WDR27: variants seen among roughly 807,000 people sequenced by gnomAD.
The protein encoded by WDR27 is WD repeat-containing protein 27.
In WDR27, 100 loss-of-function variants were observed where a neutral mutation model predicts 114.4. The observed-to-expected ratio is 0.87, with a 90% CI of 0.74 to 1.03. WDR27 has a LOEUF of 1.03. WDR27 is among the 50% of genes least tolerant of loss of function. WDR27 has a pLI of 0.00. For missense variants in WDR27, 1,129 were observed against 1,092.9 expected (o/e 1.03, Z -0.47); for synonymous variants, 449 against 423.1 (o/e 1.06, Z -0.75).
At chr6:169,670,349 T>C in intron 4 of WDR27, 1 of 417,264 alleles carries the variant, frequency 2.4e-6, no homozygotes, top group Non-Finnish European at 4.1e-6. Flanking sequence ...CCAGATTCCA[T>C]AAAGAGTTTT....
At position 169,636,358 on chromosome 6, in the gene WDR27, G is replaced by A. The variant is rs748915751; in HGVS notation, c.2003+13C>T. On this transcript the variant is annotated intron_variant, in intron 19 of 25. Coordinates refer to ENST00000448612, the MANE Select transcript of WDR27 (RefSeq NM_182552.5). ...GTGATCTAAAAATAATGCACAGGGC[G>A]GGGGGTGCCTACCTCTTAATCTCAT... The A allele has an allele frequency of 1.2e-5, 19 of 1,611,194 alleles. No homozygotes were observed. The highest frequency in any genetic ancestry group is 8.4e-5 in the Admixed American group (5 of 59,670).
chr6:169,682,039 C>T (rs1000357481), intron 2 of WDR27, among the ~76,000 whole-genome samples: 2 of 152,134 alleles, frequency 1.3e-5, no homozygotes, highest in Non-Finnish European at 2.9e-5. Flanking sequence ...CAGAGACATG[C>T]AACCCTCTGA....
chr6:169,537,381 A>G (rs1215236798), intron 25 of WDR27, among the ~76,000 whole-genome samples: 1 of 152,178 alleles, frequency 6.6e-6, no homozygotes, highest in Non-Finnish European at 1.5e-5. Context: ...GTGGTCAGAG[A>G]AGGACTCTCT....
chr6:169,508,966 C>A (rs1164526889), intron 25 of WDR27, among the ~76,000 whole-genome samples: 1 of 152,064 alleles, frequency 6.6e-6, no homozygotes, highest in Non-Finnish European at 1.5e-5. Context: ...CAGGTTTTAT[C>A]GTTGTTGTTG....
chr6:169,510,127 A>G (rs1036646085), intron 25 of WDR27, among the ~76,000 whole-genome samples: 100 of 152,294 alleles, frequency 6.6e-4, no homozygotes, highest in Non-Finnish European at 1.3e-3. Flanking sequence ...AAAGTCAGGA[A>G]ACAACAGGTG....
chr6:169,650,052 CCCT>C (rs1821901842), intron 14 of WDR27, among the ~76,000 whole-genome samples: 1 of 149,394 alleles, frequency 6.7e-6, no homozygotes, highest in Non-Finnish European at 1.5e-5. Flanking sequence ...ATCTCCCCAT[CCCT>C]CCATCACCTC....
intron 25 of WDR27, among the ~76,000 whole-genome samples, chr6:169,555,959 AC>A (rs1365897840): frequency 6.6e-6 from 1 of 152,164 alleles, no homozygotes; most frequent in African/African-American, 2.4e-5. Context: ...CTTTCTCCCC[AC>A]CCAAAATCAG....
chr6:169,627,541 G>T (rs1165495339), intron 21 of WDR27, among the ~76,000 whole-genome samples: 4 of 152,184 alleles, frequency 2.6e-5, no homozygotes, highest in Non-Finnish European at 5.9e-5. Context: ...GATCGTCTAC[G>T]TACTGGAGCG....
At chr6:169,627,540 C>T (rs1429275673) in intron 21 of WDR27, among the ~76,000 whole-genome samples, 3 of 152,130 alleles carry the variant, frequency 2.0e-5, no homozygotes, top group Admixed American at 6.5e-5. Context: ...AGATCGTCTA[C>T]GTACTGGAGC....
At chr6:169,535,758 G>A (rs1796128564) in intron 25 of WDR27, among the ~76,000 whole-genome samples, 1 of 152,152 alleles carries the variant, frequency 6.6e-6, no homozygotes, top group Non-Finnish European at 1.5e-5. Context: ...AGTCAGACAA[G>A]AGCAACAAAG....
chr6:169,688,775 G>A (rs1335302247), intron 2 of WDR27, 42 bp downstream of exon 2: 2 of 1,504,406 alleles, frequency 1.3e-6, no homozygotes, highest in East Asian at 2.4e-5. Context: ...GAGAGACAAG[G>A]GCAAGGCCTT....
intron 24 of WDR27, among the ~76,000 whole-genome samples, chr6:169,580,019 G>A (rs9396978): frequency 0.1 from 15,952 of 152,114 alleles, 1,876 homozygotes; most frequent in East Asian, 0.58. Context: ...TGCTCTCACC[G>A]TTTCACTCCC....
In WDR27 at chr6:169,701,619, G is replaced by A. The variant is rs1788088597; in HGVS notation, c.-76C>T. The A allele has an allele frequency of 6.1e-6, 1 of 163,902 alleles. No homozygotes were observed. Among genetic ancestry groups the A allele is most frequent in the Non-Finnish European group, 1.3e-5 (1 of 75,012 alleles). 10.2% of individuals were successfully genotyped at this position (163,902 alleles called of 1,614,324 possible). A position where few individuals can be genotyped will look rare whatever the true frequency, so the allele number is the denominator to read the frequency against. ...AGCGCCGATCTCAAGCGGCCGCCCG[G>A]ATGCTCCGGCCCGACTTGTGCCCCG... On this transcript the variant is annotated 5_prime_UTR_variant, in exon 1 of 26. Coordinates refer to ENST00000448612, the MANE Select transcript of WDR27 (RefSeq NM_182552.5).
chr6:169,531,592 C>G (rs79006728), intron 25 of WDR27, among the ~76,000 whole-genome samples: 5 of 151,808 alleles, frequency 3.3e-5, no homozygotes, highest in Admixed American at 3.3e-4. Flanking sequence ...GGTCTGCAAT[C>G]GACATGAAAT....
At chr6:169,601,066 G>T (rs1807882600) in intron 23 of WDR27, among the ~76,000 whole-genome samples, 1 of 152,160 alleles carries the variant, frequency 6.6e-6, no homozygotes, top group Admixed American at 6.5e-5. Flanking sequence ...GCCAGAGAAA[G>T]GTCGGGTTAC....
At chr6:169,452,563 TGGGGTC>T (rs2115228416), downstream of WDR27, among the ~76,000 whole-genome samples, 1 of 66,634 alleles carries the variant, frequency 1.5e-5, no homozygotes, top group South Asian at 5.4e-4. Flanking sequence ...GAGCCGTGCG[TGGGGTC>T]AGAGAGGAGC....
chr6:169,608,272 G>A (rs756262540), intron 22 of WDR27, among the ~76,000 whole-genome samples: 33 of 152,170 alleles, frequency 2.2e-4, no homozygotes, highest in Non-Finnish European at 3.8e-4. Flanking sequence ...AAGACACTGT[G>A]TGTGTATGTT....
At chr6:169,650,192 T>C (rs1439054337) in intron 14 of WDR27, among the ~76,000 whole-genome samples, 2 of 135,062 alleles carry the variant, frequency 1.5e-5, no homozygotes, top group African/African-American at 2.8e-5. Flanking sequence ...ATCTCTCATC[T>C]CTCCATCCCT....
At chr6:169,486,150 A>T (rs1286736545) in intron 25 of WDR27, among the ~76,000 whole-genome samples, 2 of 151,784 alleles carry the variant, frequency 1.3e-5, no homozygotes, top group East Asian at 3.9e-4. Flanking sequence ...TGAACTTAAA[A>T]AGGTTTTTTT....
Sources: allele counts gnomAD v4.1 joint callset (sites outside exome capture counted in the v4.1 genomes callset), GRCh38; gene constraint gnomAD v4.1.1; transcripts MANE v1.5; gene names NCBI Gene and HGNC (gene_info 2026-07-23, HGNC 2026-07-21).